Variants in GALNTL6 observed in about 807,000 individuals in gnomAD.
GALNTL6 encodes the protein polypeptide N-acetylgalactosaminyltransferase-like 6.
A neutral mutation model predicts 73.7 loss-of-function variants in GALNTL6; 46 were observed. The ratio of observed to expected loss-of-function variants is 0.62; its 90% CI spans 0.49 to 0.80. The LOEUF (loss-of-function observed/expected upper bound fraction) is 0.80, where lower values mean the gene tolerates loss of function less well. Ranked by LOEUF, GALNTL6 falls within the 30% of genes least tolerant of loss-of-function variation. GALNTL6 has a pLI of 0.00. For missense variants in GALNTL6, 604 were observed against 755.0 expected, an observed-to-expected ratio of 0.80 and a Z score of 2.34; for synonymous variants, 259 against 263.7, an observed-to-expected ratio of 0.98 and a Z score of 0.17.
At chr4:172,411,132 A>G in intron 5 of GALNTL6, among the ~76,000 whole-genome samples, 1 of 152,112 alleles carries the variant, frequency 6.6e-6, no homozygotes, top group East Asian at 1.9e-4. Flanking sequence ...ATATGTAAAC[A>G]TGAGTGTGTT....
At chr4:171,840,779 T>C (rs1274138438) in intron 2 of GALNTL6, among the ~76,000 whole-genome samples, 1 of 152,214 alleles carries the variant, frequency 6.6e-6, no homozygotes, top group African/African-American at 2.4e-5. Flanking sequence ...CTTATCATGT[T>C]GCAACATATG....
In GALNTL6 at chr4:172,075,581, C is replaced by T. The variant is rs1731678338; in HGVS notation, c.139-154075C>T. On this transcript the variant is annotated intron_variant, in intron 2 of 12. Coordinates refer to ENST00000506823, the MANE Select transcript of GALNTL6 (RefSeq NM_001034845.3). The stretch of plus-strand genomic sequence containing the variant: ...CGATCTCCTGACCTCGCGATCTGCC[C>T]GCCTCGGCCTCCCAAAGTGCTGGGA... Among the ~76,000 whole-genome samples, 3 of 152,176 alleles carry T rather than the reference C, an allele frequency of 2.0e-5. No individual in the cohort carries two copies. The South Asian group carries it at 6.2e-4, about 32-fold the overall frequency.
intron 8 of GALNTL6, among the ~76,000 whole-genome samples, chr4:172,920,442 A>G (rs1345411872): frequency 6.6e-6 from 1 of 152,112 alleles, no homozygotes; most frequent in Non-Finnish European, 1.5e-5. Flanking sequence ...CTATATCCCA[A>G]AGCTTTTCAG....
At chr4:172,819,099 C>A (rs1741781802) in intron 7 of GALNTL6, among the ~76,000 whole-genome samples, 1 of 152,196 alleles carries the variant, frequency 6.6e-6, no homozygotes, top group Non-Finnish European at 1.5e-5. Context: ...AAGGTGAGAT[C>A]CTTATGAGCT....
intron 5 of GALNTL6, among the ~76,000 whole-genome samples, chr4:172,405,443 ATTTTTTTTTT>A (rs201198149): frequency 2.5e-3 from 20 of 7,860 alleles, no homozygotes; most frequent in East Asian, 5.7e-3. Flanking sequence ...ATATATATAT[ATTTTTTTTTT>A]TTTTTTTTTT....
chr4:172,136,163 T>C (rs952061113), intron 2 of GALNTL6, among the ~76,000 whole-genome samples: 2 of 152,122 alleles, frequency 1.3e-5, no homozygotes, highest in African/African-American at 4.8e-5. Flanking sequence ...CTTCATACTT[T>C]TATAATTCAA....
intron 3 of GALNTL6, among the ~76,000 whole-genome samples, chr4:172,244,647 A>G (rs1162385134): frequency 1.3e-5 from 2 of 152,146 alleles, no homozygotes; most frequent in African/African-American, 4.8e-5. Context: ...TTATATCATC[A>G]CATAACCCTG....
rs770754753 is a variant in GALNTL6, at chr4:172,952,074, T to A, written c.1187T>A (p.Phe396Tyr). The change falls in exon 10 of 13, where the codon TTT (phenylalanine) becomes TAT (tyrosine). Residue 396 changes from phenylalanine (F) to tyrosine (Y), a missense_variant. Transcript: ENST00000506823. ...GTAGCTGAGACCTGGATGGATGAAT[T>A]TGCCGAGTACATTTACCAGCGGCGG... ...KRVAETWMDE[F>Y]AEYIYQRRPE... 14 of 1,614,126 alleles carry A rather than the reference T, an allele frequency of 8.7e-6. No homozygotes were observed. Among genetic ancestry groups the A allele is most frequent in the Non-Finnish European group, 1.1e-5 (13 of 1,179,988 alleles).
At chr4:173,024,754 T>C (rs1021001242) in intron 12 of GALNTL6, among the ~76,000 whole-genome samples, 2 of 152,156 alleles carry the variant, frequency 1.3e-5, no homozygotes, top group African/African-American at 4.8e-5. Flanking sequence ...TAATTTTGTA[T>C]TTTTAGTAGA....
At chr4:172,868,430 T>C (rs1379548130) in intron 7 of GALNTL6, among the ~76,000 whole-genome samples, 1 of 152,188 alleles carries the variant, frequency 6.6e-6, no homozygotes, top group Non-Finnish European at 1.5e-5. Flanking sequence ...TATAAAAATC[T>C]CCTAAGAAGA....
intron 2 of GALNTL6, among the ~76,000 whole-genome samples, chr4:171,873,855 C>G (rs1335047159): frequency 6.6e-6 from 1 of 151,934 alleles, no homozygotes; most frequent in African/African-American, 2.4e-5. Context: ...TTGGTAACTG[C>G]TGAATGTGGA....
chr4:172,186,956 C>T (rs79150708), intron 2 of GALNTL6, among the ~76,000 whole-genome samples: 1,946 of 151,738 alleles, frequency 0.013, 36 homozygotes, highest in African/African-American at 0.044. Context: ...AAATAAAGTT[C>T]GATATTTGTT....
At chr4:172,975,705 C>T (rs1750775788) in intron 10 of GALNTL6, among the ~76,000 whole-genome samples, 1 of 152,168 alleles carries the variant, frequency 6.6e-6, no homozygotes, top group Non-Finnish European at 1.5e-5. Context: ...AGCCCCTTGC[C>T]TCAGCCCCCC....
intron 3 of GALNTL6, among the ~76,000 whole-genome samples, chr4:172,240,814 C>A (rs1737412647): frequency 6.6e-6 from 1 of 152,138 alleles, no homozygotes; most frequent in Non-Finnish European, 1.5e-5. Context: ...AACCTTCATT[C>A]CTATCCATAT....
At chr4:172,712,668 A>C (rs1734783017) in intron 5 of GALNTL6, among the ~76,000 whole-genome samples, 1 of 152,212 alleles carries the variant, frequency 6.6e-6, no homozygotes, top group Admixed American at 6.5e-5. Context: ...TATCTCACAG[A>C]ACCTCTGTGT....
At chr4:172,762,912 T>C (rs1231793452) in intron 5 of GALNTL6, among the ~76,000 whole-genome samples, 2 of 151,716 alleles carry the variant, frequency 1.3e-5, no homozygotes, top group East Asian at 3.9e-4. Context: ...TAAAAAACAT[T>C]AGAAAAGCTT....
intron 11 of GALNTL6, among the ~76,000 whole-genome samples, chr4:173,012,911 G>A (rs1006727003): frequency 6.6e-6 from 1 of 152,172 alleles, no homozygotes; most frequent in Admixed American, 6.5e-5. Flanking sequence ...GCTGAGGCGG[G>A]TGGCTCACTT....
intron 3 of GALNTL6, among the ~76,000 whole-genome samples, chr4:172,300,192 A>C (rs62332771): frequency 0.41 from 62,898 of 151,690 alleles, 15,132 homozygotes; most frequent in South Asian, 0.63. Context: ...AGGATTGCAA[A>C]CCCTGCCTTT....
intron 5 of GALNTL6, among the ~76,000 whole-genome samples, chr4:172,358,503 T>G (rs1165194744): frequency 6.6e-6 from 1 of 152,032 alleles, no homozygotes; most frequent in Non-Finnish European, 1.5e-5. Flanking sequence ...ATTATGAGAT[T>G]TTTTTTTGCA....
Sources: allele counts gnomAD v4.1 joint callset (sites outside exome capture counted in the v4.1 genomes callset), GRCh38; gene constraint gnomAD v4.1.1; transcripts MANE v1.5; gene names NCBI Gene and HGNC (gene_info 2026-07-23, HGNC 2026-07-21).